SLA2: variants seen among roughly 807,000 people sequenced by gnomAD.
The protein encoded by SLA2 is src-like-adapter 2.
A neutral mutation model predicts 27.3 loss-of-function variants in SLA2; 22 were observed. The observed-to-expected ratio is 0.81, with a 90% CI of 0.58 to 1.15. The LOEUF is 1.15. SLA2 is among the 50% of genes most tolerant of loss of function. SLA2 has a pLI of 0.00. For missense variants in SLA2, 304 were observed against 322.2 expected (o/e 0.94, Z 0.43); for synonymous variants, 131 against 137.8 (o/e 0.95, Z 0.34).
chr20:36,638,082 G>C (rs184147224), intron 2 of SLA2, among the ~76,000 whole-genome samples: 4 of 151,432 alleles, frequency 2.6e-5, no homozygotes, highest in Admixed American at 2.0e-4. Flanking sequence ...TAGTAGAGAC[G>C]GGGTTTCACT....
At position 36,636,592 on chromosome 20, in the gene SLA2, C is replaced by G. The variant is rs559453852; in HGVS notation, c.92-2003G>C. 4.8e-4 allele frequency among the ~76,000 whole-genome samples: 55 copies of G among 114,848 alleles called. No individual in the cohort carries two copies. The East Asian group carries it at 7.4e-3, about 15-fold the overall frequency. The allele number at this position is 114,848 out of a possible 152,430, so 75.3% of individuals were successfully genotyped here. On this transcript the variant is annotated intron_variant, in intron 2 of 7. Coordinates refer to ENST00000262866, the MANE Select transcript of SLA2 (RefSeq NM_032214.4). ...TGCACTCCAGCCTGGGCAACAAGAG[C>G]TAAACTCCATCTCAAAAAGAAAAAA...
At chr20:36,645,432 T>C (rs1324415606) in intron 1 of SLA2, among the ~76,000 whole-genome samples, 2 of 152,038 alleles carry the variant, frequency 1.3e-5, no homozygotes, top group South Asian at 4.1e-4. Context: ...TTGAGAAATA[T>C]CACCCCTTTG....
At chr20:36,633,968 G>A (rs552274873) in intron 3 of SLA2, among the ~76,000 whole-genome samples, 21 of 151,320 alleles carry the variant, frequency 1.4e-4, no homozygotes, top group Admixed American at 6.0e-4. Context: ...CCCTTCTCCC[G>A]GGACAGTATC....
At chr20:36,640,062 C>G (rs142242429) in intron 2 of SLA2, among the ~76,000 whole-genome samples, 1 of 151,974 alleles carries the variant, frequency 6.6e-6, no homozygotes, top group Non-Finnish European at 1.5e-5. Context: ...AATCTCAGCA[C>G]TTTGGGAGGC....
Position 36,633,722 on chromosome 20 carries a change from G to C in SLA2, c.192-93C>G, listed in dbSNP as rs192791499. The C allele has an allele frequency of 8.7e-5, 90 of 1,036,284 alleles. No homozygotes were observed. In the East Asian group the frequency reaches 2.1e-3, roughly 24 times the overall value. 64.2% of individuals were successfully genotyped at this position (1,036,284 alleles called of 1,614,324 possible). On this transcript the variant is annotated intron_variant, in intron 3 of 7. Transcript: ENST00000262866. The stretch of plus-strand genomic sequence containing the variant: ...GGCTTGCAAGGACCCTCTCAGGCTG[G>C]ATCCTGTGGCCACCTGTCCTGCCTG...
In SLA2 at chr20:36,614,704, A is replaced by T. The variant is rs1319975830; in HGVS notation, c.533-267T>A. 4 of 985,226 alleles carry T rather than the reference A, an allele frequency of 4.1e-6. No homozygotes were observed. The Admixed American group carries it at 2.5e-4, about 61-fold the overall frequency. The allele number at this position is 985,226 out of a possible 1,614,324, so 61.0% of individuals were successfully genotyped here. On this transcript the variant is annotated intron_variant, in intron 6 of 7. Transcript: ENST00000262866. ...TTTCTGGTTAGGAAATTGCTTTGGG[A>T]AGAAGAAAGCTAAGGAATGCTCAGT...
At chr20:36,623,795 G>A (rs996817852) in intron 5 of SLA2, among the ~76,000 whole-genome samples, 3 of 151,980 alleles carry the variant, frequency 2.0e-5, no homozygotes, top group Admixed American at 2.0e-4. Context: ...CGCCTGGCCT[G>A]TATTCTGTAC....
At chr20:36,625,435 G>A (rs186863594) in intron 5 of SLA2, among the ~76,000 whole-genome samples, 2 of 152,100 alleles carry the variant, frequency 1.3e-5, no homozygotes, top group Admixed American at 6.5e-5. Flanking sequence ...ATGTTAGCCA[G>A]GCTGGTCTCG....
Position 36,634,520 on chromosome 20 carries a change from C to T in SLA2, c.161G>A (p.Arg54Lys), listed in dbSNP as rs2039424414. The change falls in exon 3 of 8, where the codon AGA (arginine) becomes AAA (lysine). Residue 54 changes from arginine to lysine, a missense_variant. By Grantham distance (26) the Arg-to-Lys change is conservative (BLOSUM62 2). Transcript: ENST00000262866. ...GACGATGGTCAATGGCTCCCCGAGT[C>T]TCAGCGACAGCTCGGCCGGGCCACC... ...PAGGPAELSL[R>K]LGEPLTIVSE... The T allele has an allele frequency of 6.2e-7, 1 of 1,611,454 alleles. No individual in the cohort carries two copies. The highest frequency in any genetic ancestry group is 2.2e-5 in the East Asian group (1 of 44,804).
Position 36,613,293 on chromosome 20 carries a change from T to C in SLA2, c.*573A>G, listed in dbSNP as rs1190288179. The C allele has an allele frequency of 6.6e-6, 1 of 152,406 alleles. No individual in the cohort carries two copies. Among genetic ancestry groups the C allele is most frequent in the African/African-American group, 2.4e-5 (1 of 41,458 alleles). 9.4% of individuals were successfully genotyped at this position (152,406 alleles called of 1,614,324 possible). A position where few individuals can be genotyped will look rare whatever the true frequency, so the allele number is the denominator to read the frequency against. On this transcript the variant is annotated 3_prime_UTR_variant, in exon 8 of 8. Transcript: ENST00000262866. ...GAGGACCTAGACTGTCCGAAGTCTT[T>C]CTCTTTGCTCTGGAGGTCACATAGA...
chr20:36,641,477 C>G, intron 1 of SLA2, 99 bp from the exon 2 acceptor site: 2 of 629,124 alleles, frequency 3.2e-6, no homozygotes, highest in Non-Finnish European at 5.7e-6. Flanking sequence ...CCTCACAGAG[C>G]ATGTGAATGA....
intron 5 of SLA2, 83 bp from the exon 6 acceptor site, chr20:36,615,457 C>A: frequency 6.3e-7 from 1 of 1,574,868 alleles, no homozygotes; most frequent in Non-Finnish European, 8.6e-7. Flanking sequence ...AGATAGGCAA[C>A]GTGACCATGG....
In SLA2 at chr20:36,612,854, A is replaced by T. The variant is rs1279589447; in HGVS notation, c.*1012T>A. The T allele has an allele frequency of 1.3e-5, 2 of 154,230 alleles. No individual in the cohort carries two copies. The highest frequency in any genetic ancestry group is 4.9e-5 in the African/African-American group (2 of 40,824). The allele number at this position is 154,230 out of a possible 1,614,324, so 9.6% of individuals were successfully genotyped here. On this transcript the variant is annotated 3_prime_UTR_variant, in exon 8 of 8. Transcript: ENST00000262866. ...CAGTGTGCTAGACTTAAGAGGTGTT[A>T]TTTTTTATTCGGCCACAAGATGGCA... is the stretch of plus-strand genomic sequence containing the variant.
chr20:36,633,100 C>G (rs921389634), intron 4 of SLA2, among the ~76,000 whole-genome samples: 2 of 152,148 alleles, frequency 1.3e-5, no homozygotes, highest in Non-Finnish European at 2.9e-5. Context: ...GAGACAGGCT[C>G]CTGCTCTGTG....
chr20:36,635,798 C>T (rs2039438758), intron 2 of SLA2, among the ~76,000 whole-genome samples: 1 of 152,114 alleles, frequency 6.6e-6, no homozygotes, highest in Non-Finnish European at 1.5e-5. Flanking sequence ...CCTGGCCTTG[C>T]ACTCCCGGGG....
At chr20:36,634,939 A>G (rs2039429859) in intron 2 of SLA2, among the ~76,000 whole-genome samples, 1 of 152,054 alleles carries the variant, frequency 6.6e-6, no homozygotes, top group Admixed American at 6.6e-5. Flanking sequence ...CAAATCCTCC[A>G]GCCTCAGCCT....
At chr20:36,638,378 G>A (rs1600832551) in intron 2 of SLA2, among the ~76,000 whole-genome samples, 1 of 151,964 alleles carries the variant, frequency 6.6e-6, no homozygotes, top group South Asian at 2.1e-4. Flanking sequence ...CCCCAGGCTG[G>A]AGTGCAGTGG....
intron 7 of SLA2, 53 bp downstream of exon 7, chr20:36,614,252 G>A (rs995293129): frequency 3.1e-6 from 5 of 1,613,838 alleles, no homozygotes; most frequent in Non-Finnish European, 4.2e-6. Flanking sequence ...CCAGGGGTGG[G>A]TCCTTCTAAC....
At chr20:36,614,059 A>T (rs2039175432) in intron 7 of SLA2, 73 bp from the exon 8 acceptor site, 2 of 1,587,564 alleles carry the variant, frequency 1.3e-6, no homozygotes, top group East Asian at 4.5e-5. Flanking sequence ...ACAAAATTGC[A>T]CTGTTCTCAA....
Sources: gnomAD v4.1 joint callset for allele counts (sites outside exome capture counted in the v4.1 genomes callset) on GRCh38, gnomAD v4.1.1 for gene constraint, MANE v1.5 for transcripts, NCBI Gene and HGNC (gene_info 2026-07-23, HGNC 2026-07-21) for gene names.